The following CNTNAP2 variants were observed in gnomAD, a reference collection of about 807,000 sequenced individuals.
The protein encoded by CNTNAP2 is contactin associated protein 2.
CNTNAP2 carries 98 observed loss-of-function variants against 155.2 expected under a neutral mutation model. That is an observed-to-expected ratio of 0.63 (90% CI 0.54 to 0.75). The LOEUF is 0.75. CNTNAP2 is among the 30% of genes least tolerant of loss of function. The pLI is 0.00. For missense variants in CNTNAP2, 1,727 were observed against 1,688.1 expected (o/e 1.02, Z -0.40); for synonymous variants, 651 against 631.2 (o/e 1.03, Z -0.47).
intron 21 of CNTNAP2, among the ~76,000 whole-genome samples, chr7:148,325,235 G>A (rs528197712): frequency 2.0e-5 from 3 of 152,152 alleles, no homozygotes; most frequent in African/African-American, 4.8e-5. Flanking sequence ...ATCTTTTCAC[G>A]TTTATGGCCT....
chr7:147,773,529 G>A (rs946286128), intron 13 of CNTNAP2, among the ~76,000 whole-genome samples: 1 of 152,072 alleles, frequency 6.6e-6, no homozygotes, highest in Non-Finnish European at 1.5e-5. Context: ...AAAGATAAAT[G>A]TGCTAGAACT....
intron 2 of CNTNAP2, among the ~76,000 whole-genome samples, chr7:146,821,629 AAAAC>A (rs1265814460): frequency 1.3e-5 from 2 of 152,120 alleles, no homozygotes; most frequent in South Asian, 2.1e-4. Context: ...TTACAAGAAA[AAAAC>A]AAACAACCCC....
intron 13 of CNTNAP2, among the ~76,000 whole-genome samples, chr7:147,661,859 C>A (rs149585810): frequency 0.017 from 2,528 of 152,180 alleles, 221 homozygotes; most frequent in Admixed American, 0.15. Flanking sequence ...CCCATTGCTT[C>A]TTGATATAAG....
At chr7:148,003,408 GAAAA>G (rs5888301) in intron 15 of CNTNAP2, among the ~76,000 whole-genome samples, 8 of 151,926 alleles carry the variant, frequency 5.3e-5, no homozygotes, top group Admixed American at 2.6e-4. Context: ...AACATTAGAG[GAAAA>G]AAAATTTGCT....
At chr7:147,996,910 A>G (rs1421918989) in intron 15 of CNTNAP2, among the ~76,000 whole-genome samples, 1 of 152,186 alleles carries the variant, frequency 6.6e-6, no homozygotes, top group African/African-American at 2.4e-5. Flanking sequence ...AATCACCCAC[A>G]TGACAATATC....
intron 17 of CNTNAP2, among the ~76,000 whole-genome samples, chr7:148,154,008 G>T (rs557717900): frequency 2.7e-4 from 41 of 152,344 alleles, no homozygotes; most frequent in Admixed American, 2.3e-3. Flanking sequence ...GCTCCTAAGT[G>T]GCTCCTTGAC....
chr7:147,545,290 T>G (rs1296903868), intron 11 of CNTNAP2, among the ~76,000 whole-genome samples: 1 of 152,136 alleles, frequency 6.6e-6, no homozygotes, highest in Non-Finnish European at 1.5e-5. Flanking sequence ...ACTTTAGTGA[T>G]GTTTACTTTC....
intron 1 of CNTNAP2, among the ~76,000 whole-genome samples, chr7:146,738,096 C>T (rs1305340449): frequency 1.3e-5 from 2 of 151,984 alleles, no homozygotes; most frequent in East Asian, 3.8e-4. Flanking sequence ...AGCCTCCATC[C>T]TGTTTTTCAC....
chr7:147,302,619 C>T (rs533835496), intron 9 of CNTNAP2, among the ~76,000 whole-genome samples: 1 of 152,288 alleles, frequency 6.6e-6, no homozygotes, highest in Non-Finnish European at 1.5e-5. Context: ...CTTTGAAATT[C>T]AAGAGAATGA....
intron 18 of CNTNAP2, among the ~76,000 whole-genome samples, chr7:148,192,679 C>T (rs1435315764): frequency 6.6e-6 from 1 of 152,112 alleles, no homozygotes; most frequent in East Asian, 1.9e-4. Flanking sequence ...CCACAAACCA[C>T]AAATTAGGAA....
chr7:146,577,627 A>C (rs1798545585), intron 1 of CNTNAP2, among the ~76,000 whole-genome samples: 1 of 152,152 alleles, frequency 6.6e-6, no homozygotes, highest in Non-Finnish European at 1.5e-5. Context: ...AACATACAAA[A>C]AAAGCTTAGT....
chr7:147,646,587 A>T (rs934517834), intron 13 of CNTNAP2, among the ~76,000 whole-genome samples: 1 of 150,784 alleles, frequency 6.6e-6, no homozygotes, highest in Non-Finnish European at 1.5e-5. Flanking sequence ...TTATGTACCA[A>T]TTTTTTTTTT....
intron 9 of CNTNAP2, among the ~76,000 whole-genome samples, chr7:147,319,879 T>C (rs766722478): frequency 8.5e-5 from 13 of 152,176 alleles, no homozygotes; most frequent in Non-Finnish European, 1.5e-4. Flanking sequence ...GAATTCTATT[T>C]CAAGCATCAG....
intron 1 of CNTNAP2, among the ~76,000 whole-genome samples, chr7:146,574,813 A>G (rs1050928019): frequency 6.6e-6 from 1 of 152,086 alleles, no homozygotes; most frequent in African/African-American, 2.4e-5. Flanking sequence ...TTTCTTCTTC[A>G]TTTTTTGAAA....
intron 1 of CNTNAP2, among the ~76,000 whole-genome samples, chr7:146,518,704 A>T (rs1357158561): frequency 2.0e-5 from 3 of 151,870 alleles, no homozygotes; most frequent in African/African-American, 7.2e-5. Flanking sequence ...ATAAAACCTT[A>T]GATGCATGCA....
rs1316212976 is a variant in CNTNAP2 at position 148,198,450 on chromosome 7, GC to G, written c.3011-18837del. Among the ~76,000 whole-genome samples the G allele has an allele frequency of 1.4e-4, 21 of 152,278 alleles. 1 individual carries two copies. On this transcript the variant is annotated intron_variant, in intron 18 of 23. Coordinates refer to ENST00000361727, the MANE Select transcript of CNTNAP2 (RefSeq NM_014141.6). ...CTTTTAAGGGACTCCTTCTGTGGGG[GC>G]TTCATGGGGATTTTTCCTAATGGTT...
At chr7:147,463,144 A>G (rs576001663) in intron 10 of CNTNAP2, among the ~76,000 whole-genome samples, 1 of 152,320 alleles carries the variant, frequency 6.6e-6, no homozygotes, top group African/African-American at 2.4e-5. Context: ...TTTTTAACAG[A>G]AAAAGAAACA....
At chr7:147,760,297 T>C (rs1797280013) in intron 13 of CNTNAP2, among the ~76,000 whole-genome samples, 1 of 152,086 alleles carries the variant, frequency 6.6e-6, no homozygotes. Context: ...CTCGTCTTTG[T>C]GACTGGTTGC....
intron 1 of CNTNAP2, among the ~76,000 whole-genome samples, chr7:146,224,861 T>C (rs1799267299): frequency 1.3e-5 from 2 of 152,166 alleles, no homozygotes; most frequent in South Asian, 4.1e-4. Context: ...CATTAACAGA[T>C]GTGAAATAAT....
Sources: allele counts gnomAD v4.1 joint callset (sites outside exome capture counted in the v4.1 genomes callset), GRCh38; gene constraint gnomAD v4.1.1; transcripts MANE v1.5; gene names NCBI Gene and HGNC (gene_info 2026-07-23, HGNC 2026-07-21).